Variants in KIF26B observed in about 807,000 individuals in gnomAD.
The protein encoded by KIF26B is kinesin family member 26B.
KIF26B carries 63 observed loss-of-function variants against 151.2 expected under a neutral mutation model. That is an observed-to-expected ratio of 0.42 (90% CI 0.34 to 0.51). The LOEUF (loss-of-function observed/expected upper bound fraction) is 0.51. KIF26B is among the 20% of genes least tolerant of loss of function. The pLI is 0.07. For missense variants in KIF26B, 2,813 were observed against 2,913.6 expected, an observed-to-expected ratio of 0.97 and a Z score of 0.79; for synonymous variants, 1,357 against 1,262.1, an observed-to-expected ratio of 1.08 and a Z score of -1.59.
rs1370066450 is a variant in KIF26B, at chr1:245,607,713, C to T, written c.1620C>T (p.Gly540=). Residue 540 remains glycine (G), a synonymous_variant, in exon 7 of 15, where the codon GGC becomes GGT. Transcript: ENST00000407071. ...VIQSVVNGAD[G]CVFCFGHAKL... is the part of the protein sequence containing the mutation. ...AGTCTGTGGTCAACGGGGCAGATGG[C>T]TGCGTGTTCTGTTTCGGCCACGCCA... is the stretch of plus-strand genomic sequence containing the variant. The T allele has an allele frequency of 1.9e-6, 3 of 1,612,962 alleles. No homozygotes were observed. The highest frequency in any genetic ancestry group is 4.5e-5 in the East Asian group (2 of 44,872).
Position 245,602,641 on chromosome 1 carries a change from T to TAAAGGTGGA in KIF26B, c.1416_1424dup (p.Val474_Asp475insGluLysVal). 1 of 1,614,040 alleles carries TAAAGGTGGA rather than the reference T, an allele frequency of 6.2e-7. No individual in the cohort carries two copies. Among genetic ancestry groups the TAAAGGTGGA allele is most frequent in the Non-Finnish European group, 8.5e-7 (1 of 1,179,884 alleles). ...GATACTTCAGAATCCAGCTCTTTCTTAAAGGTGGACCCACGGAAGAAGCAG... is the reference window on the plus strand; with the variant it reads ...GATACTTCAGAATCCAGCTCTTTCTTAAAGGTGGAAAAGGTGGACCCACGGAAGAAGCAG... On this transcript the variant is annotated inframe_insertion, in exon 6 of 15. Coordinates refer to ENST00000407071, the MANE Select transcript of KIF26B (RefSeq NM_018012.4). This position sits in a 1 kb window ranked among gnomAD's most constrained non-coding sequence, Gnocchi z 4.5.
In KIF26B at chr1:245,687,878, C is replaced by T; in HGVS notation, c.4895C>T (p.Ala1632Val). Residue 1632 changes from alanine to valine, a missense_variant, in exon 12 of 15, where the codon GCC (alanine) becomes GTC (valine). By Grantham distance (64) the Ala-to-Val change is moderately conservative (BLOSUM62 0). Coordinates refer to ENST00000407071, the MANE Select transcript of KIF26B (RefSeq NM_018012.4). This position sits in a 1 kb window ranked among gnomAD's most constrained non-coding sequence, Gnocchi z 4.9. ...GTSSPLNQPA[A>V]FPAGLPDEPS... Reference sequence around the variant, plus strand: ...AGCAGCCCCCTGAACCAACCAGCCGCCTTCCCGGCGGGCCTCCCAGACGAG... The same window carrying T: ...AGCAGCCCCCTGAACCAACCAGCCGTCTTCCCGGCGGGCCTCCCAGACGAG... The T allele has an allele frequency of 1.3e-6, 2 of 1,593,158 alleles. No homozygotes were observed. The highest frequency in any genetic ancestry group is 1.7e-6 in the Non-Finnish European group (2 of 1,171,184).
At chr1:245,184,484 A>T (rs1196091990) in intron 2 of KIF26B, among the ~76,000 whole-genome samples, 1 of 152,146 alleles carries the variant, frequency 6.6e-6, no homozygotes, top group Non-Finnish European at 1.5e-5. Context: ...ATGTGTCTTT[A>T]TAATCTCTGG....
intron 2 of KIF26B, among the ~76,000 whole-genome samples, chr1:245,242,924 A>G (rs1558358763): frequency 6.6e-6 from 1 of 151,964 alleles, no homozygotes; most frequent in Admixed American, 6.5e-5. Flanking sequence ...TGCTGGGATT[A>G]CAGGCATGAG....
intron 2 of KIF26B, among the ~76,000 whole-genome samples, chr1:245,338,461 G>A (rs980725368): frequency 6.6e-6 from 1 of 152,196 alleles, no homozygotes; most frequent in Non-Finnish European, 1.5e-5. Context: ...TATAGCAGAA[G>A]TTTGCCAGTC....
At chr1:245,263,816 G>A (rs1670694603) in intron 2 of KIF26B, among the ~76,000 whole-genome samples, 1 of 152,234 alleles carries the variant, frequency 6.6e-6, no homozygotes, top group Non-Finnish European at 1.5e-5. Context: ...AACACAGTTA[G>A]TTAACAGACG....
chr1:245,612,099 TGTGTGTGA>T lies in KIF26B; in HGVS notation c.2098+125_2098+132del, dbSNP rs879036358. 1.5e-3 allele frequency: 862 copies of T among 587,606 alleles called. 1 individual carries two copies. The highest frequency in any genetic ancestry group is 3.3e-3 in the African/African-American group (158 of 48,240). 36.4% of individuals were successfully genotyped at this position (587,606 alleles called of 1,614,324 possible). A position where few individuals can be genotyped will look rare whatever the true frequency, so the allele number is the denominator to read the frequency against. ...GTGTGTGTGTGTGTGTGTGTGTGTGTGTGTGTGAGAGAGAGAGAGAGAGAGAGAGAGAC... is the reference window on the plus strand; with the variant it reads ...GTGTGTGTGTGTGTGTGTGTGTGTGTGAGAGAGAGAGAGAGAGAGAGAGAC... On this transcript the variant is annotated intron_variant, in intron 9 of 14. Transcript: ENST00000407071.
intron 4 of KIF26B, among the ~76,000 whole-genome samples, chr1:245,465,198 T>C (rs568084789): frequency 6.6e-6 from 1 of 152,164 alleles, no homozygotes; most frequent in Non-Finnish European, 1.5e-5. Flanking sequence ...CAGGATGGTC[T>C]CCATCTCCTG....
intron 12 of KIF26B, among the ~76,000 whole-genome samples, chr1:245,697,250 G>A (rs1040289316): frequency 2.0e-5 from 3 of 152,186 alleles, no homozygotes; most frequent in East Asian, 1.9e-4. Context: ...TCATCAAAAC[G>A]TCAGTCCCCT....
At chr1:245,592,899 G>A (rs1378312263) in intron 5 of KIF26B, among the ~76,000 whole-genome samples, 2 of 152,104 alleles carry the variant, frequency 1.3e-5, no homozygotes, top group Non-Finnish European at 2.9e-5. Flanking sequence ...ATGGAGCAAT[G>A]GCTTTGTAAA....
At position 245,688,740 on chromosome 1, in the gene KIF26B, C is replaced by A. The variant is rs1355862293; in HGVS notation, c.5757C>A (p.Ser1919Arg). The A allele has an allele frequency of 6.2e-7, 1 of 1,606,136 alleles. No homozygotes were observed. Among genetic ancestry groups the A allele is most frequent in the Non-Finnish European group, 8.5e-7 (1 of 1,175,828 alleles). ...GSASSAQDSTSENSSSVGGRC... is the reference protein window; with the variant it reads ...GSASSAQDSTRENSSSVGGRC... ...CGTCCTCGGCGCAGGACTCCACGAG[C>A]GAGAACAGCAGCTCCGTGGGCGGCA... The change falls in exon 12 of 15, where the codon AGC (serine) becomes AGA (arginine). Residue 1919 changes from serine to arginine, a missense_variant. Transcript: ENST00000407071.
intron 4 of KIF26B, among the ~76,000 whole-genome samples, chr1:245,511,886 A>G (rs918285752): frequency 5.3e-5 from 8 of 152,368 alleles, no homozygotes; most frequent in African/African-American, 1.9e-4. Flanking sequence ...CACAAGAGAA[A>G]GGAACGGCTA....
rs79165484 is a variant in KIF26B, at chr1:245,391,369, T to G, written c.999+24002T>G. ...ACAGTGTACACAGTTATCTGAATAC[T>G]CCTATTCAAATACTCCTCCATATTC... is the stretch of plus-strand genomic sequence containing the variant. On this transcript the variant is annotated intron_variant, in intron 3 of 14. Transcript: ENST00000407071. Among the ~76,000 whole-genome samples the G allele has an allele frequency of 3.9e-3, 598 of 152,358 alleles. 5 individuals carry two copies. Among genetic ancestry groups the G allele is most frequent in the African/African-American group, 0.014 (571 of 41,584 alleles).
chr1:245,522,466 C>G (rs1661150003), intron 4 of KIF26B, among the ~76,000 whole-genome samples: 3 of 152,292 alleles, frequency 2.0e-5, no homozygotes, highest in South Asian at 4.1e-4. Flanking sequence ...GTTCATCTGG[C>G]ATGGGGACAC....
rs552021461 is a variant in KIF26B, at chr1:245,609,142, C to T, written c.1652-124C>T. The stretch of plus-strand genomic sequence containing the variant: ...TACTATTTCTCTCATCTTTTTGTTC[C>T]TTCTCTTCCCTTTTCCCCCCTTCCC... On this transcript the variant is annotated intron_variant, in intron 7 of 14. Coordinates refer to ENST00000407071, the MANE Select transcript of KIF26B (RefSeq NM_018012.4). The T allele has an allele frequency of 2.0e-5, 18 of 878,476 alleles. No homozygotes were observed. In the African/African-American group the frequency reaches 2.7e-4, roughly 13 times the overall value. 54.4% of individuals were successfully genotyped at this position (878,476 alleles called of 1,614,324 possible). A position where few individuals can be genotyped will look rare whatever the true frequency, so the allele number is the denominator to read the frequency against.
In KIF26B at chr1:245,157,921, G is replaced by A. The variant is rs1668473026; in HGVS notation, c.465+1238G>A. On this transcript the variant is annotated intron_variant, in intron 2 of 14. Transcript: ENST00000407071. ...TATTCATTGATTTTCTACTCCATCC[G>A]AGGCACTGTGTCAGGCACAGCAATG... Among the ~76,000 whole-genome samples the A allele has an allele frequency of 4.6e-5, 7 of 152,166 alleles. 2 individuals carry two copies. In the South Asian group the frequency reaches 1.2e-3, roughly 27 times the overall value.
chr1:245,655,659 T>G (rs2044065142), intron 10 of KIF26B, among the ~76,000 whole-genome samples: 1 of 152,222 alleles, frequency 6.6e-6, no homozygotes, highest in South Asian at 2.1e-4. Flanking sequence ...GCACCCCCAG[T>G]TGTATCTGTG....
chr1:245,641,950 C>T (rs1168474128), intron 9 of KIF26B, among the ~76,000 whole-genome samples: 2 of 152,218 alleles, frequency 1.3e-5, no homozygotes, highest in Non-Finnish European at 2.9e-5. Context: ...GCCTGTACTT[C>T]TTCAGAGGGT....
intron 10 of KIF26B, among the ~76,000 whole-genome samples, chr1:245,678,610 T>A (rs1046556113): frequency 6.6e-6 from 1 of 152,082 alleles, no homozygotes; most frequent in Admixed American, 6.5e-5. Context: ...ACGCCTGTAA[T>A]CCCAGCACTT....
Sources: gnomAD v4.1 joint callset for allele counts (sites outside exome capture counted in the v4.1 genomes callset) on GRCh38, gnomAD v4.1.1 for gene constraint, Gnocchi (gnomAD v3.1) non-coding constraint, MANE v1.5 for transcripts, NCBI Gene and HGNC (gene_info 2026-07-23, HGNC 2026-07-21) for gene names.